AGBL1: variants seen among roughly 807,000 people sequenced by gnomAD.
AGBL1 encodes the protein AGBL carboxypeptidase 1.
In AGBL1, 130 loss-of-function variants were observed where a neutral mutation model predicts 118.9. The ratio of observed to expected loss-of-function variants is 1.09; its 90% CI spans 0.95 to 1.26. The LOEUF (loss-of-function observed/expected upper bound fraction) is 1.26, where lower values mean the gene tolerates loss of function less well. AGBL1 is among the 50% of genes most tolerant of loss of function. The pLI is 0.00. For synonymous variants in AGBL1, 555 were observed against 478.9 expected, an observed-to-expected ratio of 1.16 and a Z score of -2.08; for missense variants, 1,584 against 1,298.1, an observed-to-expected ratio of 1.22 and a Z score of -3.38.
chr15:86,091,156 T>C (rs1895997111), intron 1 of AGBL1, among the ~76,000 whole-genome samples: 1 of 152,178 alleles, frequency 6.6e-6, no homozygotes, highest in African/African-American at 2.4e-5. Context: ...TGCCTAGCAA[T>C]ATAATCTGTT....
At chr15:86,873,854 A>G (rs1298290143) in intron 22 of AGBL1, among the ~76,000 whole-genome samples, 2 of 152,160 alleles carry the variant, frequency 1.3e-5, no homozygotes, top group African/African-American at 4.8e-5. Context: ...TGCCTTCAGC[A>G]TAATAGAAAC....
chr15:86,151,282 C>T (rs1196352836), intron 3 of AGBL1, among the ~76,000 whole-genome samples: 1 of 147,734 alleles, frequency 6.8e-6, no homozygotes, highest in African/African-American at 2.5e-5. Context: ...CACAAGTACC[C>T]TAAAACTTAA....
At chr15:86,786,192 G>C (rs1468247589) in intron 22 of AGBL1, among the ~76,000 whole-genome samples, 1 of 152,002 alleles carries the variant, frequency 6.6e-6, no homozygotes, top group Non-Finnish European at 1.5e-5. Context: ...TGCCATGCTG[G>C]TGTGCTGCAC....
chr15:86,597,584 G>A (rs770707222), intron 21 of AGBL1, among the ~76,000 whole-genome samples: 5 of 152,076 alleles, frequency 3.3e-5, no homozygotes, highest in Admixed American at 6.6e-5. Context: ...AATACAGTAC[G>A]TAATAGAACT....
At chr15:86,695,755 C>T (rs1456939336) in intron 22 of AGBL1, among the ~76,000 whole-genome samples, 1 of 151,868 alleles carries the variant, frequency 6.6e-6, no homozygotes, top group Non-Finnish European at 1.5e-5. Flanking sequence ...CCTCTTAGCA[C>T]CATCTTTGCT....
At chr15:86,749,723 C>T (rs1256512121) in intron 22 of AGBL1, among the ~76,000 whole-genome samples, 12 of 152,054 alleles carry the variant, frequency 7.9e-5, no homozygotes, top group Admixed American at 2.6e-4. Context: ...GCATGAAGTG[C>T]TGTTGAATTT....
intron 17 of AGBL1, among the ~76,000 whole-genome samples, chr15:86,389,590 G>C (rs1027889197): frequency 6.6e-6 from 1 of 152,066 alleles, no homozygotes; most frequent in Admixed American, 6.5e-5. Flanking sequence ...AAGGAGTGAG[G>C]AGTAATTAAA....
chr15:86,113,218 TTTTCTTTTCTTTTC>T (rs1897511764), intron 1 of AGBL1, among the ~76,000 whole-genome samples: 1 of 52,632 alleles, frequency 1.9e-5, no homozygotes, highest in Admixed American at 2.2e-4. Flanking sequence ...TTTCTTTTTC[TTTTCTTTTCTTTTC>T]TTTTCTTTTC....
At chr15:86,791,860 T>C (rs1823741) in intron 22 of AGBL1, among the ~76,000 whole-genome samples, 59,043 of 151,264 alleles carry the variant, frequency 0.39, 13,138 homozygotes, top group Non-Finnish European at 0.53. Context: ...CCTTAGCCTC[T>C]GGAGTAGCTG....
In AGBL1 at chr15:87,028,154, C is replaced by A. The variant is rs540836804; in HGVS notation, c.3324-671C>A. 2.0e-5 allele frequency among the ~76,000 whole-genome samples: 3 copies of A among 152,004 alleles called. 1 individual carries two copies. The South Asian group carries it at 6.2e-4, about 32-fold the overall frequency. On this transcript the variant is annotated intron_variant, in intron 24 of 24. Transcript: ENST00000441037. ...CAATATTAACTGGAAAGTGAGAAAT[C>A]TAAGTGCCCTTTGCTTATTGATCAA...
At chr15:86,897,638 C>G (rs1181336572) in intron 22 of AGBL1, among the ~76,000 whole-genome samples, 2 of 151,674 alleles carry the variant, frequency 1.3e-5, no homozygotes, top group African/African-American at 4.8e-5. Flanking sequence ...ATTTTCTTGT[C>G]ACTGATTTTC....
chr15:86,242,283 T>TA (rs1414487979), intron 6 of AGBL1, among the ~76,000 whole-genome samples: 3 of 151,840 alleles, frequency 2.0e-5, no homozygotes, highest in Non-Finnish European at 4.4e-5. Context: ...AAAAAAAAAA[T>TA]AGATGATGCT....
At chr15:87,013,460 T>A (rs1213182481) in intron 24 of AGBL1, among the ~76,000 whole-genome samples, 1 of 152,174 alleles carries the variant, frequency 6.6e-6, no homozygotes, top group Non-Finnish European at 1.5e-5. Context: ...GCCCAAACAT[T>A]CTTAACAATG....
At chr15:86,698,639 C>G (rs2086304434) in intron 22 of AGBL1, among the ~76,000 whole-genome samples, 1 of 146,902 alleles carries the variant, frequency 6.8e-6, no homozygotes, top group Non-Finnish European at 1.5e-5. Flanking sequence ...AAGAGACCAA[C>G]AGGATTTATG....
intron 18 of AGBL1, among the ~76,000 whole-genome samples, chr15:86,503,564 C>T (rs4464053): frequency 0.44 from 66,381 of 150,716 alleles, 15,470 homozygotes; most frequent in East Asian, 0.68. Context: ...TCTTTTAATA[C>T]AGGCATTTAC....
intron 21 of AGBL1, among the ~76,000 whole-genome samples, chr15:86,581,148 C>T (rs11634799): frequency 0.21 from 32,480 of 151,960 alleles, 3,520 homozygotes; most frequent in East Asian, 0.28. Flanking sequence ...CAAATTAAAG[C>T]CTGGGTGGTC....
intron 5 of AGBL1, among the ~76,000 whole-genome samples, chr15:86,222,870 G>C (rs148184346): frequency 6.0e-4 from 92 of 152,172 alleles, no homozygotes; most frequent in Middle Eastern, 6.8e-3. Context: ...ACATCGAAAG[G>C]GTAACTAAGC....
chr15:86,905,131 T>C (rs1264799129), intron 22 of AGBL1, among the ~76,000 whole-genome samples: 1 of 152,186 alleles, frequency 6.6e-6, no homozygotes, highest in Non-Finnish European at 1.5e-5. Flanking sequence ...TGGCAGACGG[T>C]TTTAGGAAAT....
intron 17 of AGBL1, among the ~76,000 whole-genome samples, chr15:86,394,692 T>C (rs1321851950): frequency 2.6e-4 from 39 of 152,184 alleles, no homozygotes; most frequent in Non-Finnish European, 5.7e-4. Flanking sequence ...GTGACTTTGA[T>C]TCTCAAGTTG....
Sources: gnomAD v4.1 joint callset for allele counts (sites outside exome capture counted in the v4.1 genomes callset) on GRCh38, gnomAD v4.1.1 for gene constraint, MANE v1.5 for transcripts, NCBI Gene and HGNC (gene_info 2026-07-23, HGNC 2026-07-21) for gene names.